The following SNRPN variants were observed in gnomAD, a reference collection of about 807,000 sequenced individuals.
SNRPN encodes small nuclear ribonucleoprotein polypeptide N.
SNRPN carries 7 observed loss-of-function variants against 25.2 expected under a neutral mutation model. That is an observed-to-expected ratio of 0.28 (90% CI 0.16 to 0.52). SNRPN has a LOEUF of 0.52. Ranked by LOEUF, SNRPN falls within the 20% of genes least tolerant of loss-of-function variation. The pLI is 0.96. For synonymous variants in SNRPN, 124 were observed against 110.6 expected, an observed-to-expected ratio of 1.12 and a Z score of -0.76; for missense variants, 196 against 322.5, an observed-to-expected ratio of 0.61 and a Z score of 3.00.
intron 3 of SNRPN, among the ~76,000 whole-genome samples, chr15:24,922,128 G>T (rs145418070): frequency 6.6e-6 from 1 of 151,854 alleles, no homozygotes; most frequent in East Asian, 1.9e-4. Context: ...CAGGAGAATC[G>T]CTTGAACCTG....
chr15:24,867,993 A>T (rs1181921576), intron 1 of SNRPN, among the ~76,000 whole-genome samples: 1 of 151,906 alleles, frequency 6.6e-6, no homozygotes, highest in Non-Finnish European at 1.5e-5. Context: ...TGAAATAAAA[A>T]CTTTTTCATA....
At chr15:24,932,646 A>AT (rs2060950236) in intron 3 of SNRPN, among the ~76,000 whole-genome samples, 1 of 127,148 alleles carries the variant, frequency 7.9e-6, no homozygotes, top group Non-Finnish European at 1.8e-5. Context: ...GAGTCTGTAA[A>AT]TGTTTTTTTT....
chr15:24,832,144 C>G lies in SNRPN; in HGVS notation c.-579+2239C>G, dbSNP rs568866205. Reference sequence around the variant, plus strand: ...CGACAGTACACATGTTCCCTTTTCTCCCTATCTTTATCAACACTAACTTTT... The same window carrying G: ...CGACAGTACACATGTTCCCTTTTCTGCCTATCTTTATCAACACTAACTTTT... On this transcript the variant is annotated intron_variant, in intron 2 of 12. Transcript: ENST00000400100. Among the ~76,000 whole-genome samples the G allele has an allele frequency of 2.0e-5, 3 of 151,854 alleles. No homozygotes were observed. In the East Asian group the frequency reaches 5.8e-4, roughly 29 times the overall value.
intron 1 of SNRPN, among the ~76,000 whole-genome samples, chr15:24,956,935 G>A (rs962200390): frequency 4.0e-4 from 61 of 152,332 alleles, no homozygotes; most frequent in Admixed American, 3.8e-3. Context: ...CCCAAGACCT[G>A]CTGTGCTGTT....
At chr15:24,943,107 A>G (rs1326182687) in intron 3 of SNRPN, among the ~76,000 whole-genome samples, 2 of 151,466 alleles carry the variant, frequency 1.3e-5, no homozygotes, top group African/African-American at 2.4e-5. Context: ...CTTGTCACCA[A>G]TTTTCCAATC....
upstream of SNRPN, among the ~76,000 whole-genome samples, chr15:24,853,854 C>T (rs1003850654): frequency 1.3e-5 from 2 of 152,278 alleles, no homozygotes; most frequent in East Asian, 1.9e-4. Context: ...CTATTTGTTA[C>T]ACTTCCTGTG....
chr15:24,878,095 T>A (rs1296617642), intron 1 of SNRPN, among the ~76,000 whole-genome samples: 1 of 152,226 alleles, frequency 6.6e-6, no homozygotes, highest in Non-Finnish European at 1.5e-5. Flanking sequence ...AATGAGTGTG[T>A]GTTTCCATAC....
intron 2 of SNRPN, among the ~76,000 whole-genome samples, chr15:24,889,395 C>G (rs968468274): frequency 6.6e-6 from 1 of 150,818 alleles, no homozygotes; most frequent in Middle Eastern, 3.5e-3. Flanking sequence ...CTCCGCCTCC[C>G]GGGTTCAGGC....
chr15:24,956,946 T>G (rs2063023755), intron 1 of SNRPN, among the ~76,000 whole-genome samples: 2 of 152,224 alleles, frequency 1.3e-5, no homozygotes, highest in Admixed American at 6.5e-5. Flanking sequence ...CTGTGCTGTT[T>G]CAGCAAGCCT....
chr15:24,920,223 G>GT (rs2059948916), intron 3 of SNRPN: 2 of 152,118 alleles, frequency 1.3e-5, no homozygotes, highest in African/African-American at 4.8e-5. Context: ...ATAAATGCTT[G>GT]TAAACCTTTT....
chr15:24,977,234 C>G (rs899175052), intron 7 of SNRPN, among the ~76,000 whole-genome samples: 1 of 152,204 alleles, frequency 6.6e-6, no homozygotes, highest in African/African-American at 2.4e-5. Context: ...CCAGGTTACT[C>G]TTGGCAAGAG....
chr15:24,826,865 CATT>C (rs1483504297), intron 1 of SNRPN, among the ~76,000 whole-genome samples: 5 of 151,946 alleles, frequency 3.3e-5, no homozygotes, highest in African/African-American at 1.2e-4. Flanking sequence ...GCAATTTTGT[CATT>C]ATGAGAACAA....
chr15:24,951,513 C>CTTTT (rs34222681), upstream of SNRPN, among the ~76,000 whole-genome samples: 2 of 143,632 alleles, frequency 1.4e-5, no homozygotes, highest in African/African-American at 2.6e-5. Context: ...AATAGTAACA[C>CTTTT]TTTTTTTTTT....
chr15:24,863,897 T>C (rs1250038524), intron 1 of SNRPN, among the ~76,000 whole-genome samples: 1 of 150,994 alleles, frequency 6.6e-6, no homozygotes. Flanking sequence ...TACAGTACTC[T>C]CTCTTTTCTC....
chr15:24,911,107 G>A, intron 2 of SNRPN: 5 of 1,331,276 alleles, frequency 3.8e-6, no homozygotes, highest in East Asian at 2.5e-5. Flanking sequence ...GGATGAAGGA[G>A]ATCCTTTGCA....
chr15:24,876,015 C>T (rs1004269797), intron 1 of SNRPN, among the ~76,000 whole-genome samples: 1 of 150,462 alleles, frequency 6.6e-6, no homozygotes, highest in African/African-American at 2.4e-5. Context: ...GACTGTGCCA[C>T]TGCACTCCAG....
At chr15:24,974,902 T>A in intron 4 of SNRPN, 2 of 702,728 alleles carry the variant, frequency 2.8e-6, no homozygotes, top group South Asian at 3.0e-5. Flanking sequence ...TACAGGAGTT[T>A]TTGGTCATGA....
In SNRPN at chr15:24,973,717, C is replaced by T. The variant is rs572488364; in HGVS notation, c.-143-594C>T. On this transcript the variant is annotated intron_variant, in intron 3 of 9. Coordinates refer to ENST00000390687, the MANE Select transcript of SNRPN (RefSeq NM_003097.6). ...ACCCGGCCGTTAACGTGATTTATAACTTTGTCCTTCATTACTTGATCTATG... is the reference window on the plus strand; with the variant it reads ...ACCCGGCCGTTAACGTGATTTATAATTTTGTCCTTCATTACTTGATCTATG... Among the ~76,000 whole-genome samples, 4 of 152,166 alleles carry T rather than the reference C, an allele frequency of 2.6e-5. No individual in the cohort carries two copies. In the South Asian group the frequency reaches 8.3e-4, roughly 32 times the overall value.
chr15:24,943,281 G>A (rs923039666), intron 3 of SNRPN, among the ~76,000 whole-genome samples: 4 of 149,334 alleles, frequency 2.7e-5, no homozygotes, highest in African/African-American at 1.0e-4. Flanking sequence ...CTCTTCTTCA[G>A]GGAGGTCTTC....
Sources: allele counts gnomAD v4.1 joint callset (sites outside exome capture counted in the v4.1 genomes callset), GRCh38; gene constraint gnomAD v4.1.1; transcripts MANE v1.5; gene names NCBI Gene and HGNC (gene_info 2026-07-23, HGNC 2026-07-21).